Variants in UBASH3A observed in about 807,000 individuals in gnomAD.
UBASH3A encodes ubiquitin associated and SH3 domain containing A.
In UBASH3A, 63 loss-of-function variants were observed where a neutral mutation model predicts 73.5. The observed-to-expected ratio is 0.86, with a 90% CI of 0.70 to 1.06. The LOEUF (loss-of-function observed/expected upper bound fraction) is 1.06. Among genes scored for constraint, UBASH3A ranks in the 50% least tolerant of loss-of-function variants. UBASH3A has a pLI of 0.00. For synonymous variants in UBASH3A, 363 were observed against 351.1 expected (o/e 1.03, Z -0.38); for missense variants, 860 against 859.0 (o/e 1.00, Z -0.02).
rs533308456 is a variant in UBASH3A at position 42,415,759 on chromosome 21, A to C, written c.668-683A>C. Among the ~76,000 whole-genome samples, 3 of 152,312 alleles carry C rather than the reference A, an allele frequency of 2.0e-5. No individual in the cohort carries two copies. The South Asian group carries it at 6.2e-4, about 32-fold the overall frequency. Reference sequence around the variant, plus strand: ...CAAAAGGGGGCAAAGTGCAGCCTAAAACTAGGTCTATCTGACACCAAAGTT... The same window carrying C: ...CAAAAGGGGGCAAAGTGCAGCCTAACACTAGGTCTATCTGACACCAAAGTT... On this transcript the variant is annotated intron_variant, in intron 5 of 14. Transcript: ENST00000319294.
In UBASH3A at chr21:42,446,932, G is replaced by C; in HGVS notation, c.1849-125G>C. 2.7e-6 allele frequency: 3 copies of C among 1,095,502 alleles called. No individual in the cohort carries two copies. In the Admixed American group the frequency reaches 7.1e-5, roughly 26 times the overall value. The allele number at this position is 1,095,502 out of a possible 1,614,324, so 67.9% of individuals were successfully genotyped here. The stretch of plus-strand genomic sequence containing the variant: ...ATGTTGGTGCCATTCAATGGTGGCA[G>C]TGCCAGCCTGGGCAGTCGCAGACCC... On this transcript the variant is annotated intron_variant, in intron 14 of 14. Transcript: ENST00000319294.
intron 1 of UBASH3A, 49 bp from the exon 2 acceptor site, chr21:42,406,259 T>G: frequency 6.4e-7 from 1 of 1,554,152 alleles, no homozygotes; most frequent in Non-Finnish European, 8.9e-7. Flanking sequence ...CTGACCCTTT[T>G]CCCAAGAATG....
At chr21:42,444,865 C>G (rs2053819993) in intron 14 of UBASH3A, among the ~76,000 whole-genome samples, 1 of 152,184 alleles carries the variant, frequency 6.6e-6, no homozygotes, top group African/African-American at 2.4e-5. Flanking sequence ...TGGCCACTTG[C>G]CAACTTTTTA....
intron 14 of UBASH3A, among the ~76,000 whole-genome samples, chr21:42,446,058 G>A (rs11910842): frequency 0.62 from 93,247 of 151,496 alleles, 29,980 homozygotes; most frequent in African/African-American, 0.8. Flanking sequence ...GCTCCTGGGG[G>A]CCCACGTAAC....
intron 2 of UBASH3A, among the ~76,000 whole-genome samples, chr21:42,408,094 C>T (rs941768073): frequency 1.3e-5 from 2 of 152,198 alleles, no homozygotes; most frequent in African/African-American, 4.8e-5. Context: ...GAAGGCAAAG[C>T]AGCTTCACCC....
At chr21:42,441,130 G>GA (rs2053733063) in intron 11 of UBASH3A, among the ~76,000 whole-genome samples, 1 of 152,120 alleles carries the variant, frequency 6.6e-6, no homozygotes, top group African/African-American at 2.4e-5. Context: ...TGTTAATTCA[G>GA]AAAAACAAGG....
intron 1 of UBASH3A, 63 bp downstream of exon 1, chr21:42,404,121 C>G: frequency 1.0e-6 from 1 of 982,900 alleles, no homozygotes; most frequent in South Asian, 2.9e-5. Context: ...CCTGCTGCGG[C>G]CCCCGGCATG....
intron 7 of UBASH3A, among the ~76,000 whole-genome samples, chr21:42,425,758 T>TG (rs1322719131): frequency 7.8e-6 from 1 of 128,778 alleles, no homozygotes; most frequent in Non-Finnish European, 1.7e-5. Context: ...GGTGGAGGAG[T>TG]GGGAGCTACT....
At chr21:42,446,927 TG>T in intron 14 of UBASH3A, 129 bp from the exon 15 acceptor site, 1 of 1,008,728 alleles carries the variant, frequency 9.9e-7, no homozygotes, top group African/African-American at 1.6e-5. Flanking sequence ...CATTCAATGG[TG>T]GCAGTGCCAG....
rs1348899820 is a variant in UBASH3A at position 42,434,834 on chromosome 21, A to G, written c.1273A>G (p.Lys425Glu). 1 of 1,612,902 alleles carries G rather than the reference A, an allele frequency of 6.2e-7. No individual in the cohort carries two copies. The highest frequency in any genetic ancestry group is 2.2e-5 in the East Asian group (1 of 44,862). ...TCTGATGCTTATTTATACTTCAGGG[A>G]AATACTACAGGCCAGACCTGAATTT... is the stretch of plus-strand genomic sequence containing the variant. The part of the protein sequence containing the change: ...WLQQCSTPDG[K>E]YYRPDLNFPC... The change falls in exon 10 of 15, where the codon AAA (lysine) becomes GAA (glutamate). Residue 425 changes from lysine to glutamate, a missense_variant and splice_region_variant. Transcript: ENST00000319294.
At chr21:42,406,493 G>T in intron 2 of UBASH3A, 132 bp downstream of exon 2, 1 of 716,712 alleles carries the variant, frequency 1.4e-6, no homozygotes. Flanking sequence ...CTGCGGAAGT[G>T]AAACAAAATA....
intron 11 of UBASH3A, 112 bp downstream of exon 11, chr21:42,437,692 C>A (rs1421487521): frequency 2.1e-6 from 2 of 939,812 alleles, no homozygotes; most frequent in Non-Finnish European, 3.4e-6. Flanking sequence ...TGAATGCCCA[C>A]ACCAAAGTCA....
intron 3 of UBASH3A, among the ~76,000 whole-genome samples, chr21:42,411,286 T>C (rs561361297): frequency 1.3e-5 from 2 of 149,652 alleles, no homozygotes; most frequent in East Asian, 4.0e-4. Context: ...TAGGTACACA[T>C]GCAAACAGAT....
chr21:42,440,148 G>A (rs903902914), intron 11 of UBASH3A, among the ~76,000 whole-genome samples: 6 of 152,212 alleles, frequency 3.9e-5, no homozygotes, highest in South Asian at 2.1e-4. Flanking sequence ...AGGGTCCCGC[G>A]ATGTCCGCCT....
At chr21:42,407,870 G>A (rs2053010035) in intron 2 of UBASH3A, among the ~76,000 whole-genome samples, 1 of 152,236 alleles carries the variant, frequency 6.6e-6, no homozygotes, top group Non-Finnish European at 1.5e-5. Context: ...ATGCGGGAAT[G>A]AACAAGTGCA....
At chr21:42,426,853 A>C (rs745820911) in intron 8 of UBASH3A, 33 bp downstream of exon 8, 3 of 1,607,614 alleles carry the variant, frequency 1.9e-6, no homozygotes, top group Non-Finnish European at 1.7e-6. Context: ...CTTTTAAGTA[A>C]ACTAAGCAAA....
At chr21:42,433,167 G>A (rs2053565657) in intron 9 of UBASH3A, among the ~76,000 whole-genome samples, 1 of 152,148 alleles carries the variant, frequency 6.6e-6, no homozygotes, top group Admixed American at 6.6e-5. Flanking sequence ...ATATTTTAAA[G>A]GCACTGGAAA....
rs1167480796 is a variant in UBASH3A at position 42,418,710 on chromosome 21, G to A, written c.1046+101G>A. 5 of 1,135,304 alleles carry A rather than the reference G, an allele frequency of 4.4e-6. No individual in the cohort carries two copies. In the Admixed American group the frequency reaches 1.1e-4, roughly 26 times the overall value. The allele number at this position is 1,135,304 out of a possible 1,614,324, so 70.3% of individuals were successfully genotyped here. On this transcript the variant is annotated intron_variant, in intron 7 of 14. Coordinates refer to ENST00000319294, the MANE Select transcript of UBASH3A (RefSeq NM_018961.4). ...GTGCTTCTAGACCATTCCATTATTG[G>A]TAAAATTGCATTCTGTATGCTGACA...
At position 42,416,749 on chromosome 21, in the gene UBASH3A, T is replaced by C. The variant is rs112523249; in HGVS notation, c.837+138T>C. ...GAGATGGAGACCATCCTGGCTAACA[T>C]GGTGAAACCTCGTCTCTACTAAAAA... is the stretch of plus-strand genomic sequence containing the variant. On this transcript the variant is annotated intron_variant, in intron 6 of 14. Transcript: ENST00000319294. 3,772 of 856,372 alleles carry C rather than the reference T, an allele frequency of 4.4e-3. 109 individuals carry two copies. The African/African-American group carries it at 0.059, about 13-fold the overall frequency. 53.0% of individuals were successfully genotyped at this position (856,372 alleles called of 1,614,324 possible).
Sources: gnomAD v4.1 joint callset for allele counts (sites outside exome capture counted in the v4.1 genomes callset) on GRCh38, gnomAD v4.1.1 for gene constraint, MANE v1.5 for transcripts, NCBI Gene and HGNC (gene_info 2026-07-23, HGNC 2026-07-21) for gene names.